The following GRM4 variants were observed in gnomAD, a reference collection of about 807,000 sequenced individuals.
GRM4 encodes metabotropic glutamate receptor 4.
A neutral mutation model predicts 81.7 loss-of-function variants in GRM4; 28 were observed. The ratio of observed to expected loss-of-function variants is 0.34; its 90% CI spans 0.25 to 0.47. The LOEUF (loss-of-function observed/expected upper bound fraction) is 0.47, where lower values mean the gene tolerates loss of function less well. GRM4 is among the 20% of genes least tolerant of loss of function. The pLI is 1.00. For missense variants in GRM4, 948 were observed against 1,290.0 expected, an observed-to-expected ratio of 0.73 and a Z score of 4.06; for synonymous variants, 488 against 528.8, an observed-to-expected ratio of 0.92 and a Z score of 1.06.
At chr6:34,032,425 C>G (rs555199785) in intron 9 of GRM4, among the ~76,000 whole-genome samples, 1 of 152,228 alleles carries the variant, frequency 6.6e-6, no homozygotes, top group African/African-American at 2.4e-5. Flanking sequence ...TCTTGCAGCT[C>G]GGCATGACAT....
intron 2 of GRM4, chr6:34,103,760 G>A: frequency 1.4e-6 from 2 of 1,469,290 alleles, no homozygotes; most frequent in Non-Finnish European, 1.8e-6. Context: ...CTGCCTCGCT[G>A]TGTGACCTTG....
intron 6 of GRM4, among the ~76,000 whole-genome samples, chr6:34,044,633 GAC>G (rs1281799556): frequency 2.6e-4 from 14 of 54,564 alleles, no homozygotes; most frequent in East Asian, 1.7e-3. Context: ...TATACACGCA[GAC>G]ACACACACAT....
chr6:34,102,358 T>C (rs115508918), intron 2 of GRM4, among the ~76,000 whole-genome samples: 3,757 of 152,300 alleles, frequency 0.025, 88 homozygotes, highest in Non-Finnish European at 0.035. Context: ...CACTCCCAGC[T>C]TGGCCTCACT....
At chr6:34,071,062 A>G (rs772812295) in intron 3 of GRM4, among the ~76,000 whole-genome samples, 2 of 151,698 alleles carry the variant, frequency 1.3e-5, no homozygotes, top group African/African-American at 2.4e-5. Context: ...TCGCACAAAC[A>G]CACACACTAC....
chr6:34,077,893 T>C (rs1449959577), intron 3 of GRM4, among the ~76,000 whole-genome samples: 1 of 152,108 alleles, frequency 6.6e-6, no homozygotes, highest in Non-Finnish European at 1.5e-5. Flanking sequence ...CTTCGCACAG[T>C]GAATGAAAGT....
chr6:34,075,962 G>C (rs78844597), intron 3 of GRM4, among the ~76,000 whole-genome samples: 1 of 152,186 alleles, frequency 6.6e-6, no homozygotes, highest in South Asian at 2.1e-4. Flanking sequence ...GGGAGCCAGC[G>C]CTGGGCTAGT....
chr6:34,056,300 G>T, intron 6 of GRM4: 2 of 535,798 alleles, frequency 3.7e-6, no homozygotes, highest in Non-Finnish European at 6.7e-6. Flanking sequence ...CATCAACCCC[G>T]AGGCGGCCAG....
intron 6 of GRM4, chr6:34,055,506 C>G (rs1939083314): frequency 6.6e-6 from 1 of 152,192 alleles, no homozygotes; most frequent in Non-Finnish European, 1.5e-5. Context: ...CTCCATGCAG[C>G]GCGTCCCCCG....
In GRM4 at chr6:34,101,964, C is replaced by T; in HGVS notation, c.520-9865G>A. 3 of 1,513,424 alleles carry T rather than the reference C, an allele frequency of 2.0e-6. No homozygotes were observed. In the South Asian group the frequency reaches 3.6e-5, roughly 18 times the overall value. The allele number at this position is 1,513,424 out of a possible 1,614,324, so 93.7% of individuals were successfully genotyped here. On this transcript the variant is annotated intron_variant, in intron 2 of 10. Coordinates refer to ENST00000538487, the MANE Select transcript of GRM4 (RefSeq NM_000841.4). ...CAGGGGTATGGCCAGGACGTGTGGACCTCCACTGCCACCTGTGCCCTAGTG... is the reference window on the plus strand; with the variant it reads ...CAGGGGTATGGCCAGGACGTGTGGATCTCCACTGCCACCTGTGCCCTAGTG...
rs184684864 is a variant in GRM4 at position 34,098,652 on chromosome 6, C to T, written c.520-6553G>A. ...CCTTCTGATCCTGGCTGCTTCAGGCCCTCCACTGCCGGCTCTCAGCATCAG... is the reference window on the plus strand; with the variant it reads ...CCTTCTGATCCTGGCTGCTTCAGGCTCTCCACTGCCGGCTCTCAGCATCAG... On this transcript the variant is annotated intron_variant, in intron 2 of 10. Transcript: ENST00000538487. Among the ~76,000 whole-genome samples, 787 of 152,358 alleles carry T rather than the reference C, an allele frequency of 5.2e-3. 9 individuals carry two copies. Among genetic ancestry groups the T allele is most frequent in the African/African-American group, 0.017 (702 of 41,584 alleles).
intron 1 of GRM4, among the ~76,000 whole-genome samples, chr6:34,145,306 C>G (rs935444136): frequency 6.6e-6 from 1 of 151,942 alleles, no homozygotes; most frequent in African/African-American, 2.4e-5. Context: ...GGAGCCGCCG[C>G]CAAGCGCGCG....
At chr6:34,123,031 A>G (rs367691306) in intron 2 of GRM4, among the ~76,000 whole-genome samples, 6 of 152,254 alleles carry the variant, frequency 3.9e-5, no homozygotes, top group African/African-American at 1.4e-4. Context: ...GAGCAGGGTC[A>G]CCTCAGAGCC....
intron 2 of GRM4, among the ~76,000 whole-genome samples, chr6:34,099,629 T>A (rs1399448511): frequency 6.6e-6 from 1 of 151,980 alleles, no homozygotes; most frequent in East Asian, 1.9e-4. Context: ...CACCGCTGGG[T>A]TCAGGAGCAG....
chr6:34,084,358 C>T (rs1242260142), intron 3 of GRM4, among the ~76,000 whole-genome samples: 2 of 152,140 alleles, frequency 1.3e-5, no homozygotes, highest in Non-Finnish European at 2.9e-5. Context: ...CAGGAGCCAT[C>T]AGTGGGGCAG....
rs1274786992 is a variant in GRM4 at position 34,089,586 on chromosome 6, G to A, written c.736+2297C>T. Among the ~76,000 whole-genome samples, 1 of 152,102 alleles carries A rather than the reference G, an allele frequency of 6.6e-6. No individual in the cohort carries two copies. Among genetic ancestry groups the A allele is most frequent in the Non-Finnish European group, 1.5e-5 (1 of 68,020 alleles). On this transcript the variant is annotated intron_variant, in intron 3 of 10. Transcript: ENST00000538487. This position sits in a 1 kb window ranked among gnomAD's most constrained non-coding sequence, Gnocchi z 4.3. ...GCCAGGCCCTCAGATGGTGCATGGGGTGTGGCAGGTATTGTGAGGGGCGCC... is the reference window on the plus strand; with the variant it reads ...GCCAGGCCCTCAGATGGTGCATGGGATGTGGCAGGTATTGTGAGGGGCGCC...
Position 34,091,902 on chromosome 6 carries a change from G to T in GRM4, c.717C>A (p.Ile239=). 6.2e-7 allele frequency: 1 copy of T among 1,613,172 alleles called. No homozygotes were observed. Among genetic ancestry groups the T allele is most frequent in the Non-Finnish European group, 8.5e-7 (1 of 1,179,338 alleles). ...SYGESGVEAF[I]QKSREDGGVC... ...ACTCACCGTCCTCACGGGACTTCTGGATGAAGGCCTCCACACCGCTCTCAC... is the reference window on the plus strand; with the variant it reads ...ACTCACCGTCCTCACGGGACTTCTGTATGAAGGCCTCCACACCGCTCTCAC... The change falls in exon 3 of 11, where the codon ATC becomes ATA. Residue 239 remains isoleucine, a synonymous_variant. Transcript: ENST00000538487.
intron 3 of GRM4, among the ~76,000 whole-genome samples, chr6:34,072,245 A>G (rs1766946618): frequency 1.1e-5 from 1 of 92,100 alleles, no homozygotes; most frequent in Non-Finnish European, 2.3e-5. Flanking sequence ...CACACATCAC[A>G]CAGATACACA....
chr6:34,148,379 C>CA (rs946086418), upstream of GRM4, among the ~76,000 whole-genome samples: 1 of 67,008 alleles, frequency 1.5e-5, no homozygotes, highest in African/African-American at 7.4e-5. Flanking sequence ...AACACAGACT[C>CA]ACACACACAC....
In GRM4 at chr6:34,111,995, C is replaced by A. The variant is rs1054635872; in HGVS notation, c.520-19896G>T. On this transcript the variant is annotated intron_variant, in intron 2 of 10. Transcript: ENST00000538487. This position sits in a 1 kb window ranked among gnomAD's most constrained non-coding sequence, Gnocchi z 5.1. ...TGAAATGGGGAGGTCTCCTCACTCA[C>A]CCCAAGTTGCACCTAAATAAACGTA... Among the ~76,000 whole-genome samples, 5 of 152,126 alleles carry A rather than the reference C, an allele frequency of 3.3e-5. No homozygotes were observed. Among genetic ancestry groups the A allele is most frequent in the African/African-American group, 1.2e-4 (5 of 41,408 alleles).
Sources: allele counts gnomAD v4.1 joint callset (sites outside exome capture counted in the v4.1 genomes callset), GRCh38; gene constraint gnomAD v4.1.1; non-coding constraint Gnocchi (gnomAD v3.1); transcripts MANE v1.5; gene names NCBI Gene and HGNC (gene_info 2026-07-23, HGNC 2026-07-21).